EYS: variants seen among roughly 807,000 people sequenced by gnomAD.
The protein encoded by EYS is EGF-like photoreceptor maintenance factor, also known as protein eyes shut homolog.
EYS carries 250 observed loss-of-function variants against 282.1 expected under a neutral mutation model. The observed-to-expected ratio is 0.89, with a 90% CI of 0.80 to 0.98. The LOEUF is 0.98. Among genes scored for constraint, EYS ranks in the 50% least tolerant of loss-of-function variants. The pLI, the probability that EYS is intolerant of heterozygous loss-of-function variation, is 0.00. For synonymous variants in EYS, 1,355 were observed against 1,282.9 expected (o/e 1.06, Z -1.20); for missense variants, 4,016 against 3,709.0 (o/e 1.08, Z -2.15).
chr6:64,181,078 A>G (rs934306503), intron 31 of EYS, among the ~76,000 whole-genome samples: 5 of 152,132 alleles, frequency 3.3e-5, no homozygotes, highest in African/African-American at 1.2e-4. Context: ...CCTGCTTTAG[A>G]AACTATATAA....
intron 19 of EYS, among the ~76,000 whole-genome samples, chr6:64,829,990 G>A (rs966258585): frequency 2.6e-5 from 4 of 151,926 alleles, no homozygotes; most frequent in African/African-American, 7.2e-5. Flanking sequence ...TATCAGTCAA[G>A]GAAAGAAGTT....
chr6:65,630,424 T>A (rs1766869783), intron 2 of EYS, among the ~76,000 whole-genome samples: 1 of 152,234 alleles, frequency 6.6e-6, no homozygotes, highest in South Asian at 2.1e-4. Context: ...TCTCCATTAA[T>A]ATTTTCTTAA....
At chr6:65,562,570 C>A (rs2127346264) in intron 2 of EYS, among the ~76,000 whole-genome samples, 1 of 152,090 alleles carries the variant, frequency 6.6e-6, no homozygotes, top group Admixed American at 6.5e-5. Flanking sequence ...TTCTCTGGAC[C>A]TCCACATAGC....
intron 12 of EYS, among the ~76,000 whole-genome samples, chr6:65,245,151 T>C (rs1335706862): frequency 2.0e-5 from 3 of 152,178 alleles, no homozygotes; most frequent in Non-Finnish European, 2.9e-5. Context: ...ATATTACATA[T>C]GGTGTTGCTA....
intron 35 of EYS, among the ~76,000 whole-genome samples, chr6:63,870,464 G>C (rs1469063289): frequency 6.6e-6 from 1 of 152,116 alleles, no homozygotes; most frequent in Non-Finnish European, 1.5e-5. Context: ...TCTCTAGAAA[G>C]GTATACATTT....
intron 13 of EYS, among the ~76,000 whole-genome samples, chr6:64,998,415 T>C (rs1771348399): frequency 6.6e-6 from 1 of 152,184 alleles, no homozygotes; most frequent in South Asian, 2.1e-4. Flanking sequence ...CCATTATGCC[T>C]CTCTGCATGT....
intron 12 of EYS, among the ~76,000 whole-genome samples, chr6:65,079,373 A>T (rs999872341): frequency 1.3e-5 from 2 of 152,012 alleles, no homozygotes; most frequent in African/African-American, 4.8e-5. Context: ...GATATTTAAA[A>T]ACTTTTAAAT....
At chr6:64,929,545 TAATC>T (rs1378485857) in intron 15 of EYS, among the ~76,000 whole-genome samples, 1 of 152,154 alleles carries the variant, frequency 6.6e-6, no homozygotes, top group African/African-American at 2.4e-5. Flanking sequence ...CAATTTTACT[TAATC>T]AGTTAGTTCT....
intron 5 of EYS, among the ~76,000 whole-genome samples, chr6:65,429,111 C>T (rs879818002): frequency 2.6e-5 from 4 of 150,980 alleles, no homozygotes; most frequent in East Asian, 3.9e-4. Flanking sequence ...ACCCAGGAGG[C>T]GGGGGTTGTA....
In EYS at chr6:64,739,369, G is replaced by A. The variant is rs983709382; in HGVS notation, c.3443+74009C>T. On this transcript the variant is annotated intron_variant, in intron 22 of 42. Coordinates refer to ENST00000503581, the MANE Select transcript of EYS (RefSeq NM_001142800.2). Reference sequence around the variant, plus strand: ...GTGAAAACTAAGGACAATTGTCTGTGTATACCAACCAAGGAAGATAATTAT... The same window carrying A: ...GTGAAAACTAAGGACAATTGTCTGTATATACCAACCAAGGAAGATAATTAT... Among the ~76,000 whole-genome samples, 119 of 152,212 alleles carry A rather than the reference G, an allele frequency of 7.8e-4. 1 individual carries two copies. The highest frequency in any genetic ancestry group is 2.8e-3 in the African/African-American group (115 of 41,460).
chr6:64,989,323 ATCATTC>A (rs1255815725), intron 14 of EYS, among the ~76,000 whole-genome samples: 1 of 145,410 alleles, frequency 6.9e-6, no homozygotes, highest in African/African-American at 2.5e-5. Flanking sequence ...GATGCCATAG[ATCATTC>A]TCTATCAGTT....
intron 12 of EYS, among the ~76,000 whole-genome samples, chr6:65,078,807 T>C (rs888310764): frequency 6.6e-6 from 1 of 151,862 alleles, no homozygotes; most frequent in African/African-American, 2.4e-5. Flanking sequence ...TGGGAGGCGT[T>C]TTGATCATGC....
chr6:64,293,269 G>C (rs1768780906), intron 30 of EYS, among the ~76,000 whole-genome samples: 2 of 151,956 alleles, frequency 1.3e-5, no homozygotes, highest in Non-Finnish European at 2.9e-5. Context: ...CTTAAAAGTA[G>C]GGTTTCTAGA....
chr6:64,894,347 T>C (rs1049945898), intron 18 of EYS, among the ~76,000 whole-genome samples: 4 of 152,090 alleles, frequency 2.6e-5, no homozygotes, highest in African/African-American at 9.7e-5. Flanking sequence ...AGATGCAAAA[T>C]GAGCAAATAA....
At position 65,264,643 on chromosome 6, in the gene EYS, T is replaced by C. The variant is rs199659671; in HGVS notation, c.2023+31220A>G. ...ATAAAAGTGATTTAATAAAAAGGTA[T>C]GCTTTGCTGGTTTCCTTTAGGTTAC... On this transcript the variant is annotated intron_variant, in intron 12 of 42. Coordinates refer to ENST00000503581, the MANE Select transcript of EYS (RefSeq NM_001142800.2). Among the ~76,000 whole-genome samples, 34 of 152,180 alleles carry C rather than the reference T, an allele frequency of 2.2e-4. No homozygotes were observed. In the East Asian group the frequency reaches 6.4e-3, roughly 29 times the overall value.
In EYS at chr6:65,522,078, T is replaced by C. The variant is rs573278069; in HGVS notation, c.-332-26085A>G. Among the ~76,000 whole-genome samples, 737 of 152,282 alleles carry C rather than the reference T, an allele frequency of 4.8e-3. 2 individuals are homozygous for C. Among genetic ancestry groups the C allele is most frequent in the African/African-American group, 0.016 (669 of 41,568 alleles). On this transcript the variant is annotated intron_variant, in intron 2 of 42. Coordinates refer to ENST00000503581, the MANE Select transcript of EYS (RefSeq NM_001142800.2). Reference sequence around the variant, plus strand: ...AATTCTATCAAATCTTGGTGACGTGTTATACTTTCATCAGCACTTGCAAAA... The same window carrying C: ...AATTCTATCAAATCTTGGTGACGTGCTATACTTTCATCAGCACTTGCAAAA...
At chr6:65,121,844 T>C (rs1775561703) in intron 12 of EYS, among the ~76,000 whole-genome samples, 1 of 152,178 alleles carries the variant, frequency 6.6e-6, no homozygotes, top group Non-Finnish European at 1.5e-5. Flanking sequence ...CACAATTTAC[T>C]TAGGTTATTT....
At chr6:65,101,668 T>C (rs1009002690) in intron 12 of EYS, among the ~76,000 whole-genome samples, 2 of 151,264 alleles carry the variant, frequency 1.3e-5, no homozygotes, top group African/African-American at 2.4e-5. Flanking sequence ...CTGGACCAAA[T>C]TGCAGAGTAC....
chr6:63,984,734 G>T, intron 34 of EYS, 131 bp from the exon 35 acceptor site: 2 of 734,218 alleles, frequency 2.7e-6, no homozygotes, highest in South Asian at 3.5e-5. Context: ...TGCTATTGTT[G>T]GCTAGTTTTG....
Sources: allele counts gnomAD v4.1 joint callset (sites outside exome capture counted in the v4.1 genomes callset), GRCh38; gene constraint gnomAD v4.1.1; transcripts MANE v1.5; gene names NCBI Gene and HGNC (gene_info 2026-07-23, HGNC 2026-07-21).